Variants in STAU2 observed in about 807,000 individuals in gnomAD.
The protein encoded by STAU2 is double-stranded RNA-binding protein Staufen homolog 2.
In STAU2, 20 loss-of-function variants were observed where a neutral mutation model predicts 65.9. The ratio of observed to expected loss-of-function variants is 0.30; its 90% CI spans 0.21 to 0.44. The LOEUF (loss-of-function observed/expected upper bound fraction) is 0.44, where lower values mean the gene tolerates loss of function less well. Ranked by LOEUF, STAU2 falls within the 20% of genes least tolerant of loss-of-function variation. The probability of loss-of-function intolerance (pLI) is 1.00; values close to 1 mark genes in which losing one functional copy is unlikely to be tolerated. For synonymous variants in STAU2, 232 were observed against 233.9 expected (o/e 0.99, Z 0.07); for missense variants, 558 against 683.9 (o/e 0.82, Z 2.05).
chr8:73,475,656 T>C (rs1274329539), intron 13 of STAU2, among the ~76,000 whole-genome samples: 1 of 152,330 alleles, frequency 6.6e-6, no homozygotes, highest in East Asian at 1.9e-4. Flanking sequence ...CTTACTGATA[T>C]GTGATCAGGG....
intron 6 of STAU2, among the ~76,000 whole-genome samples, chr8:73,654,507 C>T (rs1487978608): frequency 6.6e-6 from 1 of 151,268 alleles, no homozygotes; most frequent in Non-Finnish European, 1.5e-5. Flanking sequence ...AAAAATTAGC[C>T]AGACATCATG....
chr8:73,571,575 A>G (rs1809092791), intron 12 of STAU2, among the ~76,000 whole-genome samples: 1 of 152,228 alleles, frequency 6.6e-6, no homozygotes, highest in African/African-American at 2.4e-5. Flanking sequence ...ATCAAACTAG[A>G]ACTCAGGATT....
chr8:73,612,039 C>G (rs1812512027), intron 9 of STAU2, among the ~76,000 whole-genome samples: 1 of 152,108 alleles, frequency 6.6e-6, no homozygotes, highest in Non-Finnish European at 1.5e-5. Context: ...TTTAATAGAG[C>G]AGACAGAAGT....
At chr8:73,526,066 G>A (rs1301178757) in intron 13 of STAU2, among the ~76,000 whole-genome samples, 1 of 152,182 alleles carries the variant, frequency 6.6e-6, no homozygotes, top group East Asian at 1.9e-4. Context: ...AAGCACTGGA[G>A]TGGTCTCTAA....
chr8:73,532,421 C>T (rs1459212905), intron 13 of STAU2, among the ~76,000 whole-genome samples: 1 of 152,098 alleles, frequency 6.6e-6, no homozygotes, highest in East Asian at 1.9e-4. Context: ...AGCATGGTGG[C>T]TCACACCTGT....
At chr8:73,507,336 AG>A (rs1283917941) in intron 13 of STAU2, among the ~76,000 whole-genome samples, 3 of 151,732 alleles carry the variant, frequency 2.0e-5, no homozygotes, top group Admixed American at 6.6e-5. Flanking sequence ...CTGTATTAGC[AG>A]GCATGAAAAC....
chr8:73,712,200 T>G (rs547103053), intron 3 of STAU2, among the ~76,000 whole-genome samples: 1 of 152,302 alleles, frequency 6.6e-6, no homozygotes, highest in East Asian at 1.9e-4. Flanking sequence ...TGAAGATAGT[T>G]TGAAATAGTC....
chr8:73,680,777 C>G (rs1818373067), intron 5 of STAU2, among the ~76,000 whole-genome samples: 1 of 151,726 alleles, frequency 6.6e-6, no homozygotes, highest in Non-Finnish European at 1.5e-5. Flanking sequence ...AAAAGAGTCA[C>G]AACTTCTGAA....
At chr8:73,580,682 G>A (rs1809914488) in intron 12 of STAU2, among the ~76,000 whole-genome samples, 1 of 152,218 alleles carries the variant, frequency 6.6e-6, no homozygotes, top group Non-Finnish European at 1.5e-5. Flanking sequence ...TCTTCCTAAT[G>A]TTGTATTTAA....
chr8:73,587,705 T>C (rs1017297793), intron 11 of STAU2, among the ~76,000 whole-genome samples: 7 of 152,300 alleles, frequency 4.6e-5, no homozygotes, highest in African/African-American at 1.7e-4. Context: ...TCTCATAATA[T>C]TTAAACATGA....
chr8:73,445,957 C>G (rs1232981761), intron 13 of STAU2, among the ~76,000 whole-genome samples: 2 of 152,212 alleles, frequency 1.3e-5, no homozygotes, highest in Admixed American at 6.5e-5. Context: ...ACCATACAAC[C>G]TAGCTATCAT....
At chr8:73,544,912 T>C (rs1806798326) in intron 13 of STAU2, among the ~76,000 whole-genome samples, 2 of 152,212 alleles carry the variant, frequency 1.3e-5, no homozygotes, top group Non-Finnish European at 2.9e-5. Context: ...TATTTGCCTG[T>C]CAGTCTCCAA....
At chr8:73,644,381 G>A (rs1009841186) in intron 6 of STAU2, among the ~76,000 whole-genome samples, 7 of 151,898 alleles carry the variant, frequency 4.6e-5, no homozygotes, top group African/African-American at 1.7e-4. Flanking sequence ...GGAGTTTGGG[G>A]CTGCAGTGAA....
Position 73,688,639 on chromosome 8 carries a change from G to C in STAU2, c.274+15C>G. ...CACATAGCAGACAACATAACAGAAGGAGTCACTGCCATACCTGGGTTATTG... is the reference window on the plus strand; with the variant it reads ...CACATAGCAGACAACATAACAGAAGCAGTCACTGCCATACCTGGGTTATTG... On this transcript the variant is annotated intron_variant, in intron 5 of 14. Coordinates refer to ENST00000524300, the MANE Select transcript of STAU2 (RefSeq NM_001164380.2). The C allele has an allele frequency of 6.2e-7, 1 of 1,613,858 alleles. No individual in the cohort carries two copies. The highest frequency in any genetic ancestry group is 1.1e-5 in the South Asian group (1 of 91,062).
intron 13 of STAU2, among the ~76,000 whole-genome samples, chr8:73,426,770 C>T (rs1816853500): frequency 6.6e-6 from 1 of 152,126 alleles, no homozygotes; most frequent in Admixed American, 6.5e-5. Context: ...AGCATCATTT[C>T]TCATGACTGC....
At chr8:73,464,760 T>G (rs1015015467) in intron 13 of STAU2, among the ~76,000 whole-genome samples, 2 of 152,164 alleles carry the variant, frequency 1.3e-5, no homozygotes, top group Non-Finnish European at 2.9e-5. Context: ...GAATCCAAAT[T>G]GAATATAGCT....
intron 13 of STAU2, chr8:73,527,943 G>A (rs1805552039): frequency 2.1e-6 from 1 of 484,788 alleles, no homozygotes; most frequent in East Asian, 3.0e-5. Flanking sequence ...CCAATATCTG[G>A]GACTTGAATT....
chr8:73,502,467 C>G (rs1015385498), intron 13 of STAU2, among the ~76,000 whole-genome samples: 1 of 151,972 alleles, frequency 6.6e-6, no homozygotes, highest in Non-Finnish European at 1.5e-5. Flanking sequence ...AACCCTTGTT[C>G]CCACTAATAT....
chr8:73,641,064 C>T (rs1814922657), intron 6 of STAU2, among the ~76,000 whole-genome samples: 1 of 152,102 alleles, frequency 6.6e-6, no homozygotes, highest in Non-Finnish European at 1.5e-5. Flanking sequence ...CTGAGTGATA[C>T]AAAGTTATTA....
Sources: gnomAD v4.1 joint callset for allele counts (sites outside exome capture counted in the v4.1 genomes callset) on GRCh38, gnomAD v4.1.1 for gene constraint, MANE v1.5 for transcripts, NCBI Gene and HGNC (gene_info 2026-07-23, HGNC 2026-07-21) for gene names.